The following NUP210L variants were observed in gnomAD, a reference collection of about 807,000 sequenced individuals.
NUP210L encodes nuclear pore membrane glycoprotein 210-like.
In NUP210L, 74 loss-of-function variants were observed where a neutral mutation model predicts 208.5. That is an observed-to-expected ratio of 0.35 (90% confidence interval 0.29 to 0.43). The LOEUF is 0.43. Ranked by LOEUF, NUP210L falls within the 20% of genes least tolerant of loss-of-function variation. The pLI, the probability that NUP210L is intolerant of heterozygous loss-of-function variation, is 1.00. For synonymous variants in NUP210L, 780 were observed against 816.9 expected, an observed-to-expected ratio of 0.95 and a Z score of 0.77; for missense variants, 1,843 against 2,289.4, an observed-to-expected ratio of 0.81 and a Z score of 3.98.
At chr1:154,008,664 C>T (rs1650713782) in intron 35 of NUP210L, among the ~76,000 whole-genome samples, 1 of 152,176 alleles carries the variant, frequency 6.6e-6, no homozygotes, top group Non-Finnish European at 1.5e-5. Flanking sequence ...TGAAATCGTG[C>T]CACTGCACTC....
chr1:154,100,143 C>T (rs1447382997), exon 14 of NUP210L: 3 of 1,613,788 alleles, frequency 1.9e-6, no homozygotes, highest in Non-Finnish European at 1.7e-6. Context: ...TCTTTGAATA[C>T]CTGTGAATCA....
In NUP210L at chr1:154,009,901, C is replaced by A. The variant is rs1473574377; in HGVS notation, c.4930+71G>T. On this transcript the variant is annotated intron_variant, in intron 35 of 39. Coordinates refer to ENST00000368559, the Ensembl canonical transcript of NUP210L. ...TGAAACTACAGATATAAATGCAATC[C>A]AATAAGAATGGGACAATTATACAAA... The A allele has an allele frequency of 1.2e-5, 15 of 1,246,624 alleles. No individual in the cohort carries two copies. In the East Asian group the frequency reaches 3.7e-4, roughly 31 times the overall value. The allele number at this position is 1,246,624 out of a possible 1,614,324, so 77.2% of individuals were successfully genotyped here. A position where few individuals can be genotyped will look rare whatever the true frequency, so the allele number is the denominator to read the frequency against.
exon 3 of NUP210L, chr1:154,143,490 T>C (rs1380265036): frequency 6.2e-7 from 1 of 1,614,044 alleles, no homozygotes. Context: ...TGGCGAATCA[T>C]CTACATAAAG....
At chr1:153,998,708 CTTTTTTT>C (rs34457474) in intron 37 of NUP210L, among the ~76,000 whole-genome samples, 1 of 109,836 alleles carries the variant, frequency 9.1e-6, no homozygotes, top group Admixed American at 1.0e-4. Flanking sequence ...TCTAGAGATC[CTTTTTTT>C]TTTTTTTTTT....
chr1:154,057,690 ATG>A (rs4060104), intron 22 of NUP210L, among the ~76,000 whole-genome samples: 13,996 of 125,194 alleles, frequency 0.11, 662 homozygotes, highest in Middle Eastern at 0.16. Flanking sequence ...AGGACCTCGA[ATG>A]TGTGTGTGTG....
chr1:154,088,127 C>T (rs1349795224), intron 16 of NUP210L, among the ~76,000 whole-genome samples: 2 of 152,068 alleles, frequency 1.3e-5, no homozygotes, highest in African/African-American at 2.4e-5. Context: ...CCCTTGAGCC[C>T]AGGAGTTCGA....
chr1:154,075,198 A>G (rs1654970807), intron 16 of NUP210L, among the ~76,000 whole-genome samples: 1 of 152,210 alleles, frequency 6.6e-6, no homozygotes, highest in Non-Finnish European at 1.5e-5. Flanking sequence ...ATTGGGTTAT[A>G]GGCCCTTTCA....
chr1:154,114,814 C>T (rs1657234018), intron 12 of NUP210L, among the ~76,000 whole-genome samples: 1 of 150,294 alleles, frequency 6.7e-6, no homozygotes, highest in Non-Finnish European at 1.5e-5. Context: ...CCAGGCTGGT[C>T]TCGAACTCCT....
intron 30 of NUP210L, among the ~76,000 whole-genome samples, chr1:154,024,922 GTTTTTTTT>G (rs71096508): frequency 8.4e-5 from 7 of 83,690 alleles, no homozygotes; most frequent in Non-Finnish European, 1.3e-4. Flanking sequence ...AGGCTGATCT[GTTTTTTTT>G]TTTTTTTTTT....
intron 33 of NUP210L, among the ~76,000 whole-genome samples, chr1:154,018,290 C>T (rs542616073): frequency 6.6e-6 from 1 of 152,094 alleles, no homozygotes; most frequent in South Asian, 2.1e-4. Flanking sequence ...ATTTTACATT[C>T]ATTCTTTGGT....
rs187160891 is a variant in NUP210L, at chr1:154,128,223, T to C, written c.1079-806A>G. Among the ~76,000 whole-genome samples the C allele has an allele frequency of 7.2e-5, 11 of 152,236 alleles. No homozygotes were observed. In the East Asian group the frequency reaches 2.1e-3, roughly 29 times the overall value. On this transcript the variant is annotated intron_variant, in intron 8 of 39. Coordinates refer to ENST00000368559, the Ensembl canonical transcript of NUP210L. ...GTATAAGGCTTGGCCTGGTGGCTCA[T>C]GCCTATAATCCTAGCACTTTGGGAG...
intron 32 of NUP210L, 85 bp downstream of exon 32, chr1:154,022,041 T>A: frequency 8.0e-7 from 1 of 1,252,936 alleles, no homozygotes; most frequent in Admixed American, 1.7e-5. Context: ...GTCCAAGGGA[T>A]TAATAACTGC....
chr1:154,117,740 T>A (rs1029674758), exon 12 of NUP210L: 29 of 1,597,600 alleles, frequency 1.8e-5, no homozygotes, highest in Non-Finnish European at 2.4e-5. Flanking sequence ...TTTCTCCATA[T>A]CGAAAGGGAT....
At chr1:154,100,228 T>G in intron 13 of NUP210L, 85 bp from the exon 14 acceptor site, 6 of 1,250,394 alleles carry the variant, frequency 4.8e-6, no homozygotes, top group Non-Finnish European at 6.9e-6. Flanking sequence ...GGCAGGAAGA[T>G]TGCTTGAGCT....
chr1:154,005,784 C>T (rs551952159), intron 35 of NUP210L, among the ~76,000 whole-genome samples: 7 of 141,752 alleles, frequency 4.9e-5, no homozygotes, highest in East Asian at 2.1e-4. Flanking sequence ...AGTGCAATGG[C>T]GTGATCTCAG....
chr1:154,089,703 T>C, intron 15 of NUP210L, 109 bp from the exon 16 acceptor site: 2 of 859,086 alleles, frequency 2.3e-6, no homozygotes, highest in Middle Eastern at 7.2e-4. Flanking sequence ...AGAGTCCCTT[T>C]CACATTATAA....
chr1:154,075,369 C>T (rs999496682), intron 16 of NUP210L, among the ~76,000 whole-genome samples: 9 of 152,026 alleles, frequency 5.9e-5, no homozygotes, highest in African/African-American at 2.2e-4. Context: ...CTCAATGACT[C>T]AACATCATAA....
intron 17 of NUP210L, among the ~76,000 whole-genome samples, chr1:154,068,685 T>A (rs937017347): frequency 1.1e-4 from 17 of 151,914 alleles, no homozygotes; most frequent in African/African-American, 4.1e-4. Context: ...ATCTCATGGA[T>A]GAAATTGGAA....
At chr1:154,044,359 A>G (rs901845889) in intron 27 of NUP210L, among the ~76,000 whole-genome samples, 4 of 151,656 alleles carry the variant, frequency 2.6e-5, no homozygotes, top group Non-Finnish European at 5.9e-5. Context: ...GTGAGCCGAG[A>G]TCGTACCATT....
Sources: allele counts gnomAD v4.1 joint callset (sites outside exome capture counted in the v4.1 genomes callset), GRCh38; gene constraint gnomAD v4.1.1; transcripts MANE v1.5; gene names NCBI Gene and HGNC (gene_info 2026-07-23, HGNC 2026-07-21).